Variants in STXBP4 observed in about 807,000 individuals in gnomAD.
STXBP4 encodes the protein syntaxin binding protein 4, also known as syntaxin-binding protein 4.
STXBP4 carries 55 observed loss-of-function variants against 76.1 expected under a neutral mutation model. The ratio of observed to expected loss-of-function variants is 0.72; its 90% confidence interval spans 0.58 to 0.91. The LOEUF (loss-of-function observed/expected upper bound fraction) is 0.91. STXBP4 is among the 40% of genes least tolerant of loss of function. STXBP4 has a pLI of 0.00. For missense variants in STXBP4, 618 were observed against 636.9 expected (o/e 0.97, Z 0.32); for synonymous variants, 201 against 220.2 (o/e 0.91, Z 0.77).
chr17:55,020,876 T>G (rs2078298241), intron 8 of STXBP4, among the ~76,000 whole-genome samples: 5 of 152,204 alleles, frequency 3.3e-5, no homozygotes, highest in African/African-American at 1.2e-4. Context: ...TGGAATTTTA[T>G]CTTTGCGAAT....
In STXBP4 at chr17:55,168,135, C is replaced by T. The variant is rs957576637; in HGVS notation, c.*8224C>T. On this transcript the variant is annotated 3_prime_UTR_variant, in exon 18 of 18. Coordinates refer to ENST00000376352, the MANE Select transcript of STXBP4 (RefSeq NM_178509.6). ...ATGGATTACTTCTCTGATAAAAGTA[C>T]TCGATATAAGGGAAATTTGAAGGAA... The T allele has an allele frequency of 6.7e-6, 1 of 148,736 alleles. No individual in the cohort carries two copies. The highest frequency in any genetic ancestry group is 1.5e-5 in the Non-Finnish European group (1 of 67,100). 9.2% of individuals were successfully genotyped at this position (148,736 alleles called of 1,614,324 possible). A position where few individuals can be genotyped will look rare whatever the true frequency, so the allele number is the denominator to read the frequency against.
At chr17:55,082,742 A>G (rs2079272105) in intron 16 of STXBP4, among the ~76,000 whole-genome samples, 1 of 152,150 alleles carries the variant, frequency 6.6e-6, no homozygotes, top group African/African-American at 2.4e-5. Context: ...TATTTAAAAT[A>G]TGAACCAACA....
At chr17:54,989,171 G>C (rs1018126372) in intron 3 of STXBP4, among the ~76,000 whole-genome samples, 3 of 152,162 alleles carry the variant, frequency 2.0e-5, no homozygotes, top group South Asian at 2.1e-4. Flanking sequence ...GCAGTGGCAC[G>C]ATCTTGGCTC....
At chr17:54,996,625 C>G (rs372187679) in intron 4 of STXBP4, among the ~76,000 whole-genome samples, 1 of 151,990 alleles carries the variant, frequency 6.6e-6, no homozygotes, top group Non-Finnish European at 1.5e-5. Flanking sequence ...ATATTTATCC[C>G]CATTCTACAG....
intron 8 of STXBP4, among the ~76,000 whole-genome samples, chr17:55,018,348 G>A (rs956864813): frequency 6.6e-6 from 1 of 152,220 alleles, no homozygotes; most frequent in African/African-American, 2.4e-5. Flanking sequence ...TCAGCAGCGG[G>A]TCTGCGATGG....
intron 8 of STXBP4, among the ~76,000 whole-genome samples, chr17:55,021,451 G>A (rs2078307441): frequency 6.6e-6 from 1 of 152,142 alleles, no homozygotes; most frequent in Admixed American, 6.5e-5. Flanking sequence ...TTGAGCCCAG[G>A]AGTTCCAGGC....
intron 9 of STXBP4, 117 bp downstream of exon 9, chr17:55,031,381 A>T (rs1370185994): frequency 1.2e-6 from 1 of 836,450 alleles, no homozygotes; most frequent in African/African-American, 1.7e-5. Context: ...GTAAAACTAC[A>T]TCCATTTCAA....
chr17:55,133,523 C>G (rs2079994830), intron 16 of STXBP4, among the ~76,000 whole-genome samples: 1 of 152,088 alleles, frequency 6.6e-6, no homozygotes, highest in South Asian at 2.1e-4. Context: ...ATGAGATCAC[C>G]TAACAAATGA....
At chr17:55,190,034 C>T in the STXBP4 span, among the ~76,000 whole-genome samples, 1 of 152,198 alleles carries the variant, frequency 6.6e-6, no homozygotes, top group African/African-American at 2.4e-5. Context: ...GATAGGGAAA[C>T]TTTCTAAACG....
chr17:54,993,341 G>GAT (rs2077748484), intron 4 of STXBP4, among the ~76,000 whole-genome samples: 1 of 152,260 alleles, frequency 6.6e-6, no homozygotes. Context: ...GAGGACCAGG[G>GAT]GTGATGGCTC....
the STXBP4 span, among the ~76,000 whole-genome samples, chr17:55,194,519 C>T: frequency 2.8e-4 from 43 of 152,158 alleles, no homozygotes; most frequent in African/African-American, 7.5e-4. Flanking sequence ...TGCATGGAAC[C>T]GGTCTAAATA....
downstream of STXBP4, among the ~76,000 whole-genome samples, chr17:55,177,632 T>G (rs2080435940): frequency 6.6e-6 from 1 of 152,216 alleles, no homozygotes. Flanking sequence ...GAAATGGAGA[T>G]TCTGTCCTCC....
the STXBP4 span, among the ~76,000 whole-genome samples, chr17:55,195,315 C>T: frequency 2.4e-4 from 37 of 152,348 alleles, no homozygotes; most frequent in African/African-American, 8.4e-4. Flanking sequence ...TCAAAACCCT[C>T]TACCTCCATG....
chr17:55,112,809 A>T (rs1311959611), intron 16 of STXBP4, among the ~76,000 whole-genome samples: 1 of 152,176 alleles, frequency 6.6e-6, no homozygotes, highest in Non-Finnish European at 1.5e-5. Flanking sequence ...AAGAGGGGCC[A>T]GATGAGGAGC....
chr17:55,097,386 G>A (rs1050895652), intron 16 of STXBP4, among the ~76,000 whole-genome samples: 2 of 152,100 alleles, frequency 1.3e-5, no homozygotes, highest in East Asian at 1.9e-4. Flanking sequence ...GTAGTTGACC[G>A]GGCGCGGTGG....
rs780652005 is a variant in STXBP4 at position 55,161,040 on chromosome 17, T to C, written c.*1129T>C. On this transcript the variant is annotated 3_prime_UTR_variant, in exon 18 of 18. Transcript: ENST00000376352. ...CAAGTCGAGCAGCTCCCAGCACTGC[T>C]GTGCAGACCTAGAGGTCCTTAGAAC... 6.6e-6 allele frequency: 1 copy of C among 152,272 alleles called. No homozygotes were observed. The highest frequency in any genetic ancestry group is 1.5e-5 in the Non-Finnish European group (1 of 68,058). The allele number at this position is 152,272 out of a possible 1,614,324, so 9.4% of individuals were successfully genotyped here.
At chr17:55,142,014 G>A in intron 17 of STXBP4, among the ~76,000 whole-genome samples, 1 of 152,110 alleles carries the variant, frequency 6.6e-6, no homozygotes, top group East Asian at 1.9e-4. Context: ...CTGTTTTATA[G>A]ATGAAGAAAA....
intron 1 of STXBP4, among the ~76,000 whole-genome samples, chr17:54,984,590 G>A (rs12941554): frequency 0.24 from 36,678 of 151,616 alleles, 4,976 homozygotes; most frequent in South Asian, 0.31. Context: ...TGATCCACCC[G>A]CCTCGGCCAC....
At chr17:54,983,188 T>C (rs1414158156) in intron 1 of STXBP4, among the ~76,000 whole-genome samples, 1 of 152,212 alleles carries the variant, frequency 6.6e-6, no homozygotes, top group Non-Finnish European at 1.5e-5. Context: ...TGTATACTGC[T>C]GTCAGAGCAC....
Sources: gnomAD v4.1 joint callset for allele counts (sites outside exome capture counted in the v4.1 genomes callset) on GRCh38, gnomAD v4.1.1 for gene constraint, MANE v1.5 for transcripts, NCBI Gene and HGNC (gene_info 2026-07-23, HGNC 2026-07-21) for gene names.